FAM185A: variants seen among roughly 807,000 people sequenced by gnomAD.
FAM185A encodes the protein protein FAM185A.
FAM185A carries 21 observed loss-of-function variants against 45.7 expected under a neutral mutation model. That is an observed-to-expected ratio of 0.46 (90% CI 0.33 to 0.66). The LOEUF (loss-of-function observed/expected upper bound fraction) is 0.66. Ranked by LOEUF, FAM185A falls within the 30% of genes least tolerant of loss-of-function variation. The pLI is 0.03. For missense variants in FAM185A, 305 were observed against 485.4 expected, an observed-to-expected ratio of 0.63 and a Z score of 3.49; for synonymous variants, 117 against 194.0, an observed-to-expected ratio of 0.60 and a Z score of 3.30.
At chr7:102,786,776 T>C (rs1270843932) in intron 6 of FAM185A, among the ~76,000 whole-genome samples, 1 of 151,528 alleles carries the variant, frequency 6.6e-6, no homozygotes, top group African/African-American at 2.4e-5. Context: ...CATGTATACA[T>C]ATGTAACTAA....
the FAM185A span, among the ~76,000 whole-genome samples, chr7:102,836,069 G>A: frequency 6.6e-6 from 1 of 152,160 alleles, no homozygotes; most frequent in Admixed American, 6.5e-5. Flanking sequence ...AAGGCTCTTC[G>A]TGTCTGAAAA....
the FAM185A span, among the ~76,000 whole-genome samples, chr7:102,826,753 A>ATATATATATATATATATATG: frequency 3.6e-5 from 4 of 112,246 alleles, no homozygotes; most frequent in South Asian, 2.6e-4. Context: ...ATATATATAT[A>ATATATATATATATATATATG]TATATATATA....
the FAM185A span, among the ~76,000 whole-genome samples, chr7:102,838,291 G>A: frequency 2.0e-5 from 3 of 152,190 alleles, no homozygotes; most frequent in African/African-American, 4.8e-5. Flanking sequence ...ACTTCATAGA[G>A]TTGTTGGGGA....
chr7:102,757,246 C>T (rs1283971169), intron 2 of FAM185A, among the ~76,000 whole-genome samples: 6 of 151,830 alleles, frequency 4.0e-5, no homozygotes, highest in African/African-American at 1.4e-4. Flanking sequence ...CAGACCGGTC[C>T]AGCGTTAAGA....
At chr7:102,810,224 A>G (rs1238839229), downstream of FAM185A, among the ~76,000 whole-genome samples, 2 of 152,090 alleles carry the variant, frequency 1.3e-5, no homozygotes, top group African/African-American at 2.4e-5. Flanking sequence ...GATTAAGATA[A>G]GTCAGTTCTT....
chr7:102,822,259 C>T, the FAM185A span: 54 of 1,547,862 alleles, frequency 3.5e-5, no homozygotes, highest in African/African-American at 4.2e-4. Flanking sequence ...CAGGGAAGAA[C>T]AGTGCCTTAG....
the FAM185A span, among the ~76,000 whole-genome samples, chr7:102,838,478 T>C: frequency 6.6e-6 from 1 of 151,678 alleles, no homozygotes; most frequent in Non-Finnish European, 1.5e-5. Context: ...TGAGACAGAG[T>C]GTCACTCTGT....
At chr7:102,807,910 A>T (rs569811654) in intron 7 of FAM185A, among the ~76,000 whole-genome samples, 1 of 152,270 alleles carries the variant, frequency 6.6e-6, no homozygotes, top group East Asian at 1.9e-4. Context: ...AATACAAAAA[A>T]ATTAGCCGGG....
the FAM185A span, among the ~76,000 whole-genome samples, chr7:102,842,726 G>GCCT: frequency 2.6e-5 from 4 of 152,154 alleles, no homozygotes; most frequent in Non-Finnish European, 5.9e-5. Flanking sequence ...AATGAGGTAG[G>GCCT]TACTCCTGGG....
chr7:102,791,682 G>C (rs1796153081), intron 7 of FAM185A, among the ~76,000 whole-genome samples: 2 of 152,122 alleles, frequency 1.3e-5, no homozygotes, highest in South Asian at 4.1e-4. Context: ...AGATGGATCT[G>C]TATGTTGTCT....
At chr7:102,849,535 C>T in the FAM185A span, among the ~76,000 whole-genome samples, 1 of 152,200 alleles carries the variant, frequency 6.6e-6, no homozygotes, top group Non-Finnish European at 1.5e-5. Flanking sequence ...AGAATCTCTC[C>T]TATAGTTACC....
the FAM185A span, among the ~76,000 whole-genome samples, chr7:102,828,678 C>T: frequency 6.6e-6 from 1 of 152,230 alleles, no homozygotes; most frequent in African/African-American, 2.4e-5. Flanking sequence ...TTACTCTCAT[C>T]TCCCAGTGTT....
chr7:102,790,375 C>T lies in FAM185A; in HGVS notation c.1066+2906C>T, dbSNP rs1310885205. ...GACAACCATCATTTCTGTAGTTCAT[C>T]GTTGACTGAAACATAATTATGCAGT... is the stretch of plus-strand genomic sequence containing the variant. On this transcript the variant is annotated intron_variant, in intron 7 of 7. Transcript: ENST00000413034. Among the ~76,000 whole-genome samples, 7 of 152,198 alleles carry T rather than the reference C, an allele frequency of 4.6e-5. No individual in the cohort carries two copies. The East Asian group carries it at 1.4e-3, about 29-fold the overall frequency.
At chr7:102,834,702 G>GT in the FAM185A span, 10 of 151,938 alleles carry the variant, frequency 6.6e-5, no homozygotes, top group Non-Finnish European at 1.5e-4. Context: ...ACATTCAATT[G>GT]TTTTTTCAGT....
chr7:102,784,238 C>T (rs1483492137), intron 6 of FAM185A, among the ~76,000 whole-genome samples: 11 of 151,438 alleles, frequency 7.3e-5, no homozygotes, highest in Non-Finnish European at 1.2e-4. Flanking sequence ...GATTCACAGC[C>T]GAATTCTACC....
At chr7:102,760,973 AT>A (rs1794077212) in intron 3 of FAM185A, among the ~76,000 whole-genome samples, 1 of 152,254 alleles carries the variant, frequency 6.6e-6, no homozygotes, top group African/African-American at 2.4e-5. Context: ...GCACTTAAAA[AT>A]ATCTAAAAGG....
chr7:102,759,573 G>A (rs1335724207), intron 3 of FAM185A, among the ~76,000 whole-genome samples: 2 of 151,976 alleles, frequency 1.3e-5, no homozygotes, highest in Admixed American at 6.5e-5. Flanking sequence ...TTGGATATTT[G>A]AGAGACAAAT....
the FAM185A span, among the ~76,000 whole-genome samples, chr7:102,847,208 A>G: frequency 2.9e-5 from 4 of 136,202 alleles, no homozygotes; most frequent in Admixed American, 7.9e-5. Context: ...ACTTTACAGG[A>G]AAAAAAAAAA....
chr7:102,752,578 T>A (rs1033336460), intron 2 of FAM185A, among the ~76,000 whole-genome samples: 1 of 117,798 alleles, frequency 8.5e-6, no homozygotes, highest in Admixed American at 7.9e-5. Flanking sequence ...CTGTAATTAA[T>A]TTTTTTTTTT....
Sources: allele counts gnomAD v4.1 joint callset (sites outside exome capture counted in the v4.1 genomes callset), GRCh38; gene constraint gnomAD v4.1.1; transcripts MANE v1.5; gene names NCBI Gene and HGNC (gene_info 2026-07-23, HGNC 2026-07-21).